The following YWHAE variants were observed in gnomAD, a reference collection of about 807,000 sequenced individuals.
The protein encoded by YWHAE is 14-3-3 protein epsilon.
In YWHAE, 4 loss-of-function variants were observed where a neutral mutation model predicts 30.1. The ratio of observed to expected loss-of-function variants is 0.13; its 90% CI spans 0.07 to 0.30. The LOEUF (loss-of-function observed/expected upper bound fraction) is 0.30. Ranked by LOEUF, YWHAE falls within the 10% of genes least tolerant of loss-of-function variation. The pLI is 1.00. For missense variants in YWHAE, 121 were observed against 315.9 expected, an observed-to-expected ratio of 0.38 and a Z score of 4.68; for synonymous variants, 118 against 111.8, an observed-to-expected ratio of 1.06 and a Z score of -0.35.
chr17:1,356,676 T>C (rs951531203), intron 4 of YWHAE, among the ~76,000 whole-genome samples: 1 of 152,046 alleles, frequency 6.6e-6, no homozygotes, highest in Non-Finnish European at 1.5e-5. Flanking sequence ...GTTTTTACAT[T>C]GGCTGGGCGC....
At chr17:1,395,791 T>C (rs962541311) in intron 1 of YWHAE, among the ~76,000 whole-genome samples, 4 of 152,182 alleles carry the variant, frequency 2.6e-5, no homozygotes, top group East Asian at 1.9e-4. Flanking sequence ...ACTAGCAGAA[T>C]AAGCTAGCTA....
At chr17:1,345,748 C>A (rs576461253) in intron 5 of YWHAE, among the ~76,000 whole-genome samples, 1 of 152,132 alleles carries the variant, frequency 6.6e-6, no homozygotes, top group Non-Finnish European at 1.5e-5. Context: ...AATGTTTTTA[C>A]GCTAAATAAG....
chr17:1,348,392 C>T (rs1232544269), intron 5 of YWHAE, among the ~76,000 whole-genome samples: 1 of 152,074 alleles, frequency 6.6e-6, no homozygotes. Context: ...AAGCAATGAT[C>T]CCTCCCTTTA....
At chr17:1,377,760 A>G (rs2073146431) in intron 1 of YWHAE, among the ~76,000 whole-genome samples, 1 of 152,172 alleles carries the variant, frequency 6.6e-6, no homozygotes, top group African/African-American at 2.4e-5. Context: ...CTATGTAAAG[A>G]CTTCCTGGCT....
intron 3 of YWHAE, 167 bp downstream of exon 3, chr17:1,361,735 A>G: frequency 1.9e-6 from 1 of 538,970 alleles, no homozygotes; most frequent in Non-Finnish European, 3.3e-6. Flanking sequence ...GCAAAAGCTA[A>G]TACATTTTCA....
intron 1 of YWHAE, among the ~76,000 whole-genome samples, chr17:1,389,011 G>GT (rs1297861780): frequency 6.6e-6 from 1 of 152,066 alleles, no homozygotes; most frequent in Non-Finnish European, 1.5e-5. Context: ...TGTCACCCAG[G>GT]TGGGAGTGCA....
chr17:1,364,805 C>T, intron 2 of YWHAE, 54 bp downstream of exon 2: 1 of 1,600,634 alleles, frequency 6.2e-7, no homozygotes, highest in East Asian at 2.2e-5. Context: ...AGTGTACCGT[C>T]CTACAGGTAA....
At chr17:1,365,156 AAC>A (rs2072923099) in intron 1 of YWHAE, 98 bp from the exon 2 acceptor site, 1 of 1,264,306 alleles carries the variant, frequency 7.9e-7, no homozygotes, top group Non-Finnish European at 1.1e-6. Flanking sequence ...CTGCGAAAAA[AAC>A]ATTTTAACAA....
chr17:1,376,384 G>A lies in YWHAE; in HGVS notation c.65-11326C>T, dbSNP rs75167116. Among the ~76,000 whole-genome samples, 34 of 74,772 alleles carry A rather than the reference G, an allele frequency of 4.5e-4. 1 individual carries two copies. The highest frequency in any genetic ancestry group is 1.2e-3 in the African/African-American group (28 of 23,328). 49.1% of individuals were successfully genotyped at this position (74,772 alleles called of 152,430 possible). ...AGACAGACAGACAGACAGAAAGAAA[G>A]AAAAAGAAAGAGAGAGAAAGAAAGA... On this transcript the variant is annotated intron_variant, in intron 1 of 5. Coordinates refer to ENST00000264335, the MANE Select transcript of YWHAE (RefSeq NM_006761.5).
At chr17:1,385,848 G>C (rs144832771) in intron 1 of YWHAE, among the ~76,000 whole-genome samples, 1 of 152,210 alleles carries the variant, frequency 6.6e-6, no homozygotes, top group African/African-American at 2.4e-5. Flanking sequence ...GGAGGCCAAG[G>C]CAGGAGGACT....
At chr17:1,399,856 G>A (rs2073540107) in intron 1 of YWHAE, 191 bp downstream of exon 1, 7 of 669,382 alleles carry the variant, frequency 1.0e-5, no homozygotes, top group South Asian at 1.8e-5. Context: ...TAAGGACGGC[G>A]AAGGGGTCAC....
intron 1 of YWHAE, among the ~76,000 whole-genome samples, chr17:1,386,493 A>G (rs900560332): frequency 6.6e-6 from 1 of 152,240 alleles, no homozygotes; most frequent in African/African-American, 2.4e-5. Flanking sequence ...CCTGGTACAT[A>G]GTCGGCATTC....
At chr17:1,359,910 G>T (rs1453687730) in intron 4 of YWHAE, among the ~76,000 whole-genome samples, 1 of 100,156 alleles carries the variant, frequency 1.0e-5, no homozygotes, top group African/African-American at 4.3e-5. Flanking sequence ...GGAGAGAGAG[G>T]GAGACGGGGA....
intron 1 of YWHAE, among the ~76,000 whole-genome samples, chr17:1,373,921 C>T (rs922138443): frequency 5.9e-5 from 9 of 152,250 alleles, no homozygotes; most frequent in Non-Finnish European, 1.2e-4. Context: ...CGTATGGAGT[C>T]GGCTGTGACT....
At chr17:1,390,197 G>A (rs567952729) in intron 1 of YWHAE, among the ~76,000 whole-genome samples, 26 of 152,228 alleles carry the variant, frequency 1.7e-4, no homozygotes, top group African/African-American at 5.8e-4. Context: ...AAGGTGTTAC[G>A]TTTGCTAAGG....
intron 1 of YWHAE, among the ~76,000 whole-genome samples, chr17:1,389,533 CTT>C (rs780905326): frequency 1.8e-4 from 25 of 139,880 alleles, no homozygotes; most frequent in Non-Finnish European, 1.7e-4. Context: ...CGTTTTCTTT[CTT>C]TTTTTTTTTT....
At chr17:1,358,372 TG>T (rs1381821247) in intron 4 of YWHAE, among the ~76,000 whole-genome samples, 1 of 152,114 alleles carries the variant, frequency 6.6e-6, no homozygotes, top group Non-Finnish European at 1.5e-5. Flanking sequence ...CCCGAGTAGC[TG>T]GGACTACAGG....
At chr17:1,358,149 G>A (rs544950565) in intron 4 of YWHAE, among the ~76,000 whole-genome samples, 2 of 152,136 alleles carry the variant, frequency 1.3e-5, no homozygotes, top group Admixed American at 1.3e-4. Flanking sequence ...AGCATTTTGG[G>A]AGGCTAAGGC....
chr17:1,397,646 T>G (rs1873827), intron 1 of YWHAE, among the ~76,000 whole-genome samples: 3 of 151,920 alleles, frequency 2.0e-5, no homozygotes, highest in African/African-American at 7.3e-5. Context: ...CTGTCTTACC[T>G]TCTTCCACCC....
Sources: gnomAD v4.1 joint callset for allele counts (sites outside exome capture counted in the v4.1 genomes callset) on GRCh38, gnomAD v4.1.1 for gene constraint, MANE v1.5 for transcripts, NCBI Gene and HGNC (gene_info 2026-07-23, HGNC 2026-07-21) for gene names.